TRAPPC13: variants seen among roughly 807,000 people sequenced by gnomAD.
TRAPPC13 encodes the protein trafficking protein particle complex subunit 13.
Under a neutral mutation model 54.0 loss-of-function variants are expected in TRAPPC13, and 39 were observed. The observed-to-expected ratio is 0.72, with a 90% CI of 0.56 to 0.94. The LOEUF is 0.94. Among genes scored for constraint, TRAPPC13 ranks in the 40% least tolerant of loss-of-function variants. TRAPPC13 has a pLI of 0.00. For missense variants in TRAPPC13, 386 were observed against 488.1 expected (o/e 0.79, Z 1.97); for synonymous variants, 148 against 167.7 (o/e 0.88, Z 0.91).
intron 8 of TRAPPC13, among the ~76,000 whole-genome samples, chr5:65,657,051 T>A (rs1756682140): frequency 6.6e-6 from 1 of 151,212 alleles, no homozygotes; most frequent in South Asian, 2.1e-4. Context: ...CATTCTACTC[T>A]GGGCAACAGA....
intron 1 of TRAPPC13, among the ~76,000 whole-genome samples, chr5:65,628,854 T>C (rs1050409978): frequency 6.6e-6 from 1 of 151,998 alleles, no homozygotes; most frequent in South Asian, 2.1e-4. Flanking sequence ...GATGAAGTCT[T>C]GCTCTATCGC....
At chr5:65,656,689 C>T (rs909438909) in intron 8 of TRAPPC13, among the ~76,000 whole-genome samples, 4 of 151,600 alleles carry the variant, frequency 2.6e-5, no homozygotes, top group South Asian at 2.1e-4. Context: ...GAGCGGATCA[C>T]GAGGTCAGGA....
intron 5 of TRAPPC13, among the ~76,000 whole-genome samples, chr5:65,648,904 G>C (rs1265587471): frequency 6.6e-6 from 1 of 151,912 alleles, no homozygotes; most frequent in Non-Finnish European, 1.5e-5. Flanking sequence ...ACACACAATA[G>C]ACAGTATTTT....
intron 8 of TRAPPC13, chr5:65,658,135 C>T: frequency 5.5e-6 from 2 of 364,412 alleles, no homozygotes; most frequent in East Asian, 4.9e-5. Flanking sequence ...TATAGTTATC[C>T]TCCATCCATT....
At chr5:65,664,131 C>T in intron 11 of TRAPPC13, 106 bp from the exon 12 acceptor site, 2 of 1,148,136 alleles carry the variant, frequency 1.7e-6, no homozygotes, top group Non-Finnish European at 2.5e-6. Flanking sequence ...GGTTTTTATT[C>T]TCCTGGATAT....
intron 8 of TRAPPC13, among the ~76,000 whole-genome samples, chr5:65,657,511 A>T (rs1303027215): frequency 6.6e-6 from 1 of 152,228 alleles, no homozygotes. Flanking sequence ...ATCATTTTTC[A>T]TGTAGGTTTG....
chr5:65,660,973 A>G, intron 10 of TRAPPC13, 76 bp downstream of exon 10: 1 of 1,244,178 alleles, frequency 8.0e-7, no homozygotes, highest in South Asian at 1.6e-5. Context: ...TTTTTTCTAC[A>G]TCCAGCAGTA....
Position 65,665,966 on chromosome 5 carries a change from ATTGT to A in TRAPPC13, c.*1359_*1362del, listed in dbSNP as rs1024316280. On this transcript the variant is annotated 3_prime_UTR_variant, in exon 13 of 13. Coordinates refer to ENST00000399438, the MANE Select transcript of TRAPPC13 (RefSeq NM_024941.4). ...GCATCATTATTTATTGCCATAACAA[ATTGT>A]TTGGTCCAAAATGAAAGCTATATTC... 2 of 152,612 alleles carry A rather than the reference ATTGT, an allele frequency of 1.3e-5. No individual in the cohort carries two copies. Among genetic ancestry groups the A allele is most frequent in the East Asian group, 1.9e-4 (1 of 5,200 alleles). The allele number at this position is 152,612 out of a possible 1,614,324, so 9.5% of individuals were successfully genotyped here.
chr5:65,651,677 C>T (rs890201166), intron 6 of TRAPPC13, among the ~76,000 whole-genome samples: 11 of 150,238 alleles, frequency 7.3e-5, no homozygotes, highest in Non-Finnish European at 1.5e-4. Flanking sequence ...GTGAATACCA[C>T]GTATGTCTAT....
chr5:65,641,529 G>T (rs1041262867), intron 4 of TRAPPC13, among the ~76,000 whole-genome samples: 1 of 151,944 alleles, frequency 6.6e-6, no homozygotes, highest in African/African-American at 2.4e-5. Flanking sequence ...GGAATATAAT[G>T]ATCGATGTCC....
At chr5:65,634,914 CACTT>C (rs10586031) in intron 1 of TRAPPC13, 548,291 of 872,302 alleles carry the variant, frequency 0.63, 174,849 homozygotes, top group Non-Finnish European at 0.64. Context: ...AAACAAAAAA[CACTT>C]ACTGAGTTTC....
chr5:65,661,695 G>A (rs1756858368), intron 10 of TRAPPC13: 2 of 163,436 alleles, frequency 1.2e-5, no homozygotes, highest in Admixed American at 1.3e-4. Context: ...TCTTTCTTTA[G>A]AAAATAACTT....
chr5:65,637,536 C>A (rs2150669570), intron 3 of TRAPPC13, among the ~76,000 whole-genome samples, 160 bp from the exon 4 acceptor site: 1 of 150,120 alleles, frequency 6.7e-6, no homozygotes, highest in South Asian at 2.1e-4. Flanking sequence ...GAGGCTGAGG[C>A]AGGAGAATGG....
chr5:65,656,801 G>C (rs1473152877), intron 8 of TRAPPC13, among the ~76,000 whole-genome samples: 3 of 152,084 alleles, frequency 2.0e-5, no homozygotes, highest in Admixed American at 1.3e-4. Flanking sequence ...AGTTACTTGA[G>C]AGGCTGAGGC....
chr5:65,644,475 T>C (rs1304863172), intron 4 of TRAPPC13, among the ~76,000 whole-genome samples: 1 of 152,172 alleles, frequency 6.6e-6, no homozygotes, highest in Non-Finnish European at 1.5e-5. Context: ...AAATCCTACT[T>C]ATCAAAAAAC....
At chr5:65,627,522 C>G (rs1366297528) in intron 1 of TRAPPC13, among the ~76,000 whole-genome samples, 1 of 151,818 alleles carries the variant, frequency 6.6e-6, no homozygotes, top group Non-Finnish European at 1.5e-5. Flanking sequence ...CCCAGCTACT[C>G]AGGAGGCTGA....
intron 6 of TRAPPC13, among the ~76,000 whole-genome samples, chr5:65,652,201 A>G (rs970430847): frequency 1.3e-5 from 2 of 151,898 alleles, no homozygotes; most frequent in African/African-American, 4.8e-5. Flanking sequence ...GTGAATATAG[A>G]TATAGAAAAA....
rs565299793 is a variant in TRAPPC13, at chr5:65,625,183, C to T, written c.46+77C>T. 2.3e-5 allele frequency: 28 copies of T among 1,235,070 alleles called. No homozygotes were observed. In the African/African-American group the frequency reaches 3.7e-4, roughly 16 times the overall value. The allele number at this position is 1,235,070 out of a possible 1,614,324, so 76.5% of individuals were successfully genotyped here. On this transcript the variant is annotated intron_variant, in intron 1 of 12. Transcript: ENST00000399438. ...CTTATCGAAGCCTTTGCCATGTAGGCCTCATCCTTCTTAAACACTCAGTGC... is the reference window on the plus strand; with the variant it reads ...CTTATCGAAGCCTTTGCCATGTAGGTCTCATCCTTCTTAAACACTCAGTGC...
intron 5 of TRAPPC13, among the ~76,000 whole-genome samples, chr5:65,648,174 C>G (rs1756284169): frequency 6.6e-6 from 1 of 152,200 alleles, no homozygotes; most frequent in Non-Finnish European, 1.5e-5. Flanking sequence ...CTTCTTTTAT[C>G]TCCAGACTCC....
Sources: allele counts gnomAD v4.1 joint callset (sites outside exome capture counted in the v4.1 genomes callset), GRCh38; gene constraint gnomAD v4.1.1; transcripts MANE v1.5; gene names NCBI Gene and HGNC (gene_info 2026-07-23, HGNC 2026-07-21).